Variants in GRIA2 observed in about 807,000 individuals in gnomAD.
GRIA2 encodes the protein glutamate ionotropic receptor AMPA type subunit 2.
A neutral mutation model predicts 97.3 loss-of-function variants in GRIA2; 14 were observed. That is an observed-to-expected ratio of 0.14 (90% confidence interval 0.10 to 0.23). GRIA2 has a LOEUF of 0.23. Ranked by LOEUF, GRIA2 falls within the 10% of genes least tolerant of loss-of-function variation. The pLI is 1.00. For missense variants in GRIA2, 558 were observed against 1,069.8 expected (o/e 0.52, Z 6.67); for synonymous variants, 412 against 387.8 (o/e 1.06, Z -0.73).
Position 157,363,978 on chromosome 4 carries a change from TA to T in GRIA2, c.*553del, listed in dbSNP as rs1313653467. 6.4e-6 allele frequency: 1 copy of T among 156,004 alleles called. No homozygotes were observed. The highest frequency in any genetic ancestry group is 2.4e-5 in the African/African-American group (1 of 41,610). The allele number at this position is 156,004 out of a possible 1,614,324, so 9.7% of individuals were successfully genotyped here. ...AAAAAGGAAAAAAAACATTTAAAAC[TA>T]AAAAATATTTTTAGGTATTTTCACA... On this transcript the variant is annotated 3_prime_UTR_variant, in exon 16 of 16. Transcript: ENST00000264426.
intron 3 of GRIA2, among the ~76,000 whole-genome samples, chr4:157,306,780 C>T (rs938655488): frequency 1.3e-4 from 20 of 152,046 alleles, no homozygotes; most frequent in African/African-American, 4.6e-4. Context: ...TACATTTTAA[C>T]GAGTTTATTC....
chr4:157,327,501 A>AT (rs895863783), intron 6 of GRIA2, among the ~76,000 whole-genome samples: 2 of 152,084 alleles, frequency 1.3e-5, no homozygotes, highest in African/African-American at 2.4e-5. Context: ...CTTAAAAGTA[A>AT]TTTTTTTAAA....
chr4:157,286,170 C>A (rs548139021), intron 2 of GRIA2, among the ~76,000 whole-genome samples: 1 of 151,590 alleles, frequency 6.6e-6, no homozygotes, highest in South Asian at 2.1e-4. Flanking sequence ...ATCATTATCT[C>A]ATTTTTACAG....
chr4:157,363,477 A>G lies in GRIA2; in HGVS notation c.*46A>G. 1 of 1,240,122 alleles carries G rather than the reference A, an allele frequency of 8.1e-7. No individual in the cohort carries two copies. 76.8% of individuals were successfully genotyped at this position (1,240,122 alleles called of 1,614,324 possible). A position where few individuals can be genotyped will look rare whatever the true frequency, so the allele number is the denominator to read the frequency against. On this transcript the variant is annotated 3_prime_UTR_variant, in exon 16 of 16. Coordinates refer to ENST00000264426, the MANE Select transcript of GRIA2 (RefSeq NM_001083619.3). The stretch of plus-strand genomic sequence containing the variant: ...CATGAGGAACAAGGCAAGGCTGTCA[A>G]TTACAGGAAGTACTGGAGAAAATGG...
rs540240173 is a variant in GRIA2 at position 157,300,848 on chromosome 4, G to A, written c.230-2704G>A. On this transcript the variant is annotated intron_variant, in intron 2 of 15. Coordinates refer to ENST00000264426, the MANE Select transcript of GRIA2 (RefSeq NM_001083619.3). ...TCAAAGCCAGTGTTTCCAGATGGCC[G>A]CAATAACCAGGAGGTCCCTTGACAA... Among the ~76,000 whole-genome samples the A allele has an allele frequency of 1.6e-4, 25 of 152,198 alleles. No homozygotes were observed. The South Asian group carries it at 4.1e-3, about 25-fold the overall frequency.
At chr4:157,267,080 A>G (rs1027959531) in intron 2 of GRIA2, among the ~76,000 whole-genome samples, 1 of 151,970 alleles carries the variant, frequency 6.6e-6, no homozygotes, top group East Asian at 1.9e-4. Flanking sequence ...AAAAAAAGGA[A>G]GAAAGGAAAT....
At chr4:157,244,386 G>T (rs1730639006) in intron 2 of GRIA2, among the ~76,000 whole-genome samples, 3 of 152,122 alleles carry the variant, frequency 2.0e-5, no homozygotes, top group Admixed American at 6.6e-5. Flanking sequence ...GCAGGAAAAA[G>T]ATCTTAACCC....
At chr4:157,333,841 T>C (rs1299964310) in intron 8 of GRIA2, among the ~76,000 whole-genome samples, 169 bp from the exon 9 acceptor site, 1 of 152,118 alleles carries the variant, frequency 6.6e-6, no homozygotes, top group Non-Finnish European at 1.5e-5. Context: ...TTTTTTATAC[T>C]TCCTTTTATT....
rs1736695495 is a variant in GRIA2, at chr4:157,362,877, C to T, written c.2485C>T (p.Leu829=). 6.2e-7 allele frequency: 1 copy of T among 1,613,554 alleles called. No individual in the cohort carries two copies. The highest frequency in any genetic ancestry group is 1.1e-5 in the South Asian group (1 of 91,078). ...TGTCGGGGGCCTTGGTTTGGCAATG[C>T]TGGTGGCTTTGATTGAGTTCTGTTA... ...ILVGGLGLAM[L]VALIEFCYKS... The change falls in exon 15 of 16, where the codon CTG becomes TTG. Residue 829 remains leucine (L), a synonymous_variant. Transcript: ENST00000264426.
intron 2 of GRIA2, among the ~76,000 whole-genome samples, chr4:157,300,873 A>T (rs578219535): frequency 6.6e-6 from 1 of 152,178 alleles, no homozygotes; most frequent in East Asian, 1.9e-4. Flanking sequence ...TCCCTTGACA[A>T]CTCACTCCAG....
At chr4:157,293,896 T>A (rs1262822500) in intron 2 of GRIA2, among the ~76,000 whole-genome samples, 3 of 152,142 alleles carry the variant, frequency 2.0e-5, no homozygotes, top group Non-Finnish European at 2.9e-5. Context: ...ATGCTAAAGA[T>A]AATCCCTCCA....
At chr4:157,289,692 T>C (rs1024618105) in intron 2 of GRIA2, among the ~76,000 whole-genome samples, 2 of 151,866 alleles carry the variant, frequency 1.3e-5, no homozygotes, top group African/African-American at 4.8e-5. Flanking sequence ...AGTTTCTTGA[T>C]GGATTATTTG....
At chr4:157,323,017 T>A (rs1184578957) in intron 6 of GRIA2, among the ~76,000 whole-genome samples, 2 of 152,072 alleles carry the variant, frequency 1.3e-5, no homozygotes, top group Non-Finnish European at 2.9e-5. Context: ...CGAGGTGACT[T>A]CCTATTTGGT....
At chr4:157,353,975 T>G (rs1001376584) in intron 12 of GRIA2, among the ~76,000 whole-genome samples, 5 of 152,062 alleles carry the variant, frequency 3.3e-5, no homozygotes, top group Non-Finnish European at 5.9e-5. Context: ...AGAAACATTG[T>G]GAGTTTTCAT....
chr4:157,281,518 A>G (rs976065810), intron 2 of GRIA2, among the ~76,000 whole-genome samples: 3 of 152,092 alleles, frequency 2.0e-5, no homozygotes, highest in African/African-American at 4.8e-5. Flanking sequence ...GGCTCATTCC[A>G]TGTTCCCAAA....
intron 1 of GRIA2, 102 bp from the exon 2 acceptor site, chr4:157,221,565 C>G: frequency 8.4e-7 from 1 of 1,197,282 alleles, no homozygotes; most frequent in Admixed American, 2.1e-5. Flanking sequence ...GGCCTATTCG[C>G]GTGAATAAGA....
chr4:157,234,865 G>C (rs943147558), intron 2 of GRIA2, among the ~76,000 whole-genome samples: 1 of 152,136 alleles, frequency 6.6e-6, no homozygotes, highest in Non-Finnish European at 1.5e-5. Flanking sequence ...GGAGCAGAGA[G>C]ATGTGCAGTT....
rs563204489 is a variant in GRIA2 at position 157,276,204 on chromosome 4, A to G, written c.230-27348A>G. 1.8e-4 allele frequency among the ~76,000 whole-genome samples: 28 copies of G among 152,236 alleles called. No homozygotes were observed. In the East Asian group the frequency reaches 5.0e-3, roughly 27 times the overall value. ...GTATAAGAATGCTTGTGATTCCACA[A>G]TGGAATTAAAGTAAAAACCAATAAC... On this transcript the variant is annotated intron_variant, in intron 2 of 15. Coordinates refer to ENST00000264426, the MANE Select transcript of GRIA2 (RefSeq NM_001083619.3).
intron 12 of GRIA2, among the ~76,000 whole-genome samples, chr4:157,352,475 T>C (rs1263363755): frequency 4.6e-5 from 7 of 152,024 alleles, no homozygotes; most frequent in Non-Finnish European, 1.5e-5. Flanking sequence ...CTCAGCACTT[T>C]GGGAGGCCAA....
Sources: gnomAD v4.1 joint callset for allele counts (sites outside exome capture counted in the v4.1 genomes callset) on GRCh38, gnomAD v4.1.1 for gene constraint, MANE v1.5 for transcripts, NCBI Gene and HGNC (gene_info 2026-07-23, HGNC 2026-07-21) for gene names.